HMGXB3: variants seen among roughly 807,000 people sequenced by gnomAD.
HMGXB3 encodes HMG domain-containing protein 3.
A neutral mutation model predicts 121.5 loss-of-function variants in HMGXB3; 45 were observed. The ratio of observed to expected loss-of-function variants is 0.37; its 90% CI spans 0.29 to 0.47. The LOEUF (loss-of-function observed/expected upper bound fraction) is 0.47. HMGXB3 is among the 20% of genes least tolerant of loss of function. The pLI, the probability that HMGXB3 is intolerant of heterozygous loss-of-function variation, is 0.99. For missense variants in HMGXB3, 1,376 were observed against 1,602.2 expected, an observed-to-expected ratio of 0.86 and a Z score of 2.41; for synonymous variants, 590 against 624.1, an observed-to-expected ratio of 0.95 and a Z score of 0.81.
intron 10 of HMGXB3, 127 bp from the exon 11 acceptor site, chr5:150,032,327 A>G: frequency 1.2e-6 from 1 of 843,384 alleles, no homozygotes; most frequent in Non-Finnish European, 1.8e-6. Context: ...TCTTGAAGTT[A>G]GGCTGAATCT....
Position 150,006,473 on chromosome 5 carries a change from G to A in HMGXB3, c.138G>A (p.Arg46=). ...KIHGEKTKKP[R]SAYLLYYYDI... Reference sequence around the variant, plus strand: ...CCTGAAGAAGTCATTGCTTCCTCAGGTCTGCTTACCTTCTGTACTATTACG... The same window carrying A: ...CCTGAAGAAGTCATTGCTTCCTCAGATCTGCTTACCTTCTGTACTATTACG... Residue 46 remains arginine (R), a splice_region_variant and synonymous_variant, in exon 3 of 20, where the codon AGG becomes AGA. Coordinates refer to ENST00000502717, the MANE Select transcript of HMGXB3 (RefSeq NM_014983.3). The A allele has an allele frequency of 6.5e-7, 1 of 1,550,106 alleles. No individual in the cohort carries two copies. Among genetic ancestry groups the A allele is most frequent in the Non-Finnish European group, 8.7e-7 (1 of 1,146,250 alleles).
At chr5:150,021,592 A>G in intron 6 of HMGXB3, 2 of 433,610 alleles carry the variant, frequency 4.6e-6, no homozygotes, top group Non-Finnish European at 8.9e-6. Flanking sequence ...GGTGACTTGC[A>G]CCTCAACTCC....
chr5:150,043,471 C>G (rs1271399553), intron 15 of HMGXB3, among the ~76,000 whole-genome samples: 2 of 152,214 alleles, frequency 1.3e-5, no homozygotes, highest in African/African-American at 4.8e-5. Context: ...GGTGCAGAAC[C>G]TGTAGAGAAC....
At position 150,024,399 on chromosome 5, in the gene HMGXB3, T is replaced by C. The variant is rs186133143; in HGVS notation, c.1179T>C (p.Asn393=). ...KENASKLTLE[N]SEAVSQLLNV... is the part of the protein sequence containing the mutation. ...ATGCCTCCAAACTGACTCTGGAGAA[T>C]TCGGAAGCTGTAAGCCAGCTCCTGA... The change falls in exon 7 of 20, where the codon AAT becomes AAC. Residue 393 remains asparagine, a synonymous_variant. Transcript: ENST00000502717. The C allele has an allele frequency of 1.3e-6, 2 of 1,551,736 alleles. No individual in the cohort carries two copies. The highest frequency in any genetic ancestry group is 4.9e-5 in the East Asian group (2 of 40,922).
chr5:150,006,154 TATTACAA>T (rs1402927702), intron 2 of HMGXB3, among the ~76,000 whole-genome samples: 2 of 152,226 alleles, frequency 1.3e-5, no homozygotes, highest in Non-Finnish European at 2.9e-5. Flanking sequence ...TGAGTTTTTA[TATTACAA>T]ATTGAATGTA....
chr5:150,051,683 G>C, intron 19 of HMGXB3, 42 bp from the exon 20 acceptor site: 1 of 1,435,658 alleles, frequency 7.0e-7, no homozygotes, highest in East Asian at 2.5e-5. Context: ...TTCCACCTTA[G>C]TCATTCCTTC....
intron 11 of HMGXB3, among the ~76,000 whole-genome samples, chr5:150,036,353 A>G (rs1178894851): frequency 2.0e-5 from 3 of 152,138 alleles, no homozygotes; most frequent in East Asian, 1.9e-4. Flanking sequence ...TGAGATGTCT[A>G]ATGAGCATAT....
At chr5:150,004,796 C>CT in intron 1 of HMGXB3, 55 bp from the exon 2 acceptor site, 1 of 1,239,008 alleles carries the variant, frequency 8.1e-7, no homozygotes, top group Non-Finnish European at 1.1e-6. Context: ...CAGGAAGCTG[C>CT]TGCCCCTCTT....
chr5:150,020,992 C>G (rs1756078861), intron 6 of HMGXB3, among the ~76,000 whole-genome samples: 3 of 152,134 alleles, frequency 2.0e-5, no homozygotes, highest in Non-Finnish European at 4.4e-5. Flanking sequence ...ATCCACCTGC[C>G]TCCCAAAGTG....
chr5:150,047,921 A>G (rs1756797806), intron 17 of HMGXB3, among the ~76,000 whole-genome samples, 164 bp downstream of exon 17: 2 of 152,184 alleles, frequency 1.3e-5, no homozygotes, highest in African/African-American at 4.8e-5. Context: ...TGTGACATGT[A>G]TGTGGGGCCT....
chr5:150,017,799 T>G (rs1478285302), intron 5 of HMGXB3, among the ~76,000 whole-genome samples: 1 of 152,240 alleles, frequency 6.6e-6, no homozygotes, highest in Non-Finnish European at 1.5e-5. Context: ...TTTCCAGCCT[T>G]AATCTAGAAG....
chr5:150,007,899 A>T (rs1032333751), intron 3 of HMGXB3, among the ~76,000 whole-genome samples: 3 of 152,150 alleles, frequency 2.0e-5, no homozygotes, highest in Non-Finnish European at 4.4e-5. Flanking sequence ...TACAAAAAAT[A>T]GGAAAAGATT....
At chr5:150,003,212 G>A (rs767632315) in intron 1 of HMGXB3, among the ~76,000 whole-genome samples, 10 of 152,156 alleles carry the variant, frequency 6.6e-5, no homozygotes, top group African/African-American at 2.2e-4. Flanking sequence ...TCAAGTGCTC[G>A]ATAGCCATAT....
At chr5:150,001,372 C>G (rs938112210) in intron 1 of HMGXB3, among the ~76,000 whole-genome samples, 193 bp downstream of exon 1, 1 of 152,222 alleles carries the variant, frequency 6.6e-6, no homozygotes, top group African/African-American at 2.4e-5. Context: ...TGGTTTGGCT[C>G]TTGCTTCATT....
At chr5:150,004,818 T>C in intron 1 of HMGXB3, 33 bp from the exon 2 acceptor site, 1 of 1,475,170 alleles carries the variant, frequency 6.8e-7, no homozygotes, top group Admixed American at 2.2e-5. Flanking sequence ...GGGGAGATTC[T>C]GGAAACTTTA....
chr5:150,028,541 G>GTGTGTATATA (rs1203886454), intron 9 of HMGXB3, among the ~76,000 whole-genome samples: 5 of 42,086 alleles, frequency 1.2e-4, no homozygotes, highest in Non-Finnish European at 2.0e-4. Context: ...GTGTGTGTGT[G>GTGTGTATATA]TATATATATA....
chr5:150,006,524 G>T lies in HMGXB3; in HGVS notation c.189G>T (p.Glu63Asp), dbSNP rs571894060. The T allele has an allele frequency of 6.4e-7, 1 of 1,551,944 alleles. No homozygotes were observed. Among genetic ancestry groups the T allele is most frequent in the East Asian group, 2.4e-5 (1 of 40,918 alleles). ...ACATCTACCTGAAAGTGCAGCAGGA[G>T]CTCCCCCACCTCCCTCAGTCTGAGA... is the stretch of plus-strand genomic sequence containing the variant. ...YYDIYLKVQQELPHLPQSEIN... is the reference protein window; with the variant it reads ...YYDIYLKVQQDLPHLPQSEIN... The change falls in exon 3 of 20, where the codon GAG (glutamate) becomes GAT (aspartate). Residue 63 changes from glutamate to aspartate, a missense_variant. Physicochemically the swap from Glu to Asp is conservative, Grantham distance 45 (BLOSUM62 2). This residue lies in a region of HMGXB3 where 1,116 missense variants were observed against 1,369.0 expected (regional missense o/e 0.82). Coordinates refer to ENST00000502717, the MANE Select transcript of HMGXB3 (RefSeq NM_014983.3).
chr5:150,029,968 C>G (rs908358216), intron 9 of HMGXB3, among the ~76,000 whole-genome samples: 2 of 152,150 alleles, frequency 1.3e-5, no homozygotes, highest in Non-Finnish European at 2.9e-5. Context: ...TGGGTAAACC[C>G]CAGTCTTCTC....
chr5:150,048,809 G>A, intron 18 of HMGXB3, 124 bp downstream of exon 18: 1 of 724,146 alleles, frequency 1.4e-6, no homozygotes, highest in Non-Finnish European at 2.4e-6. Context: ...CGGCATAGCT[G>A]CCCACGGGTC....
Sources: gnomAD v4.1 joint callset for allele counts (sites outside exome capture counted in the v4.1 genomes callset) on GRCh38, gnomAD v4.1.1 for gene constraint, gnomAD v4.1.1 regional missense constraint, MANE v1.5 for transcripts, NCBI Gene and HGNC (gene_info 2026-07-23, HGNC 2026-07-21) for gene names.